Variants in MTMR2 observed in about 807,000 individuals in gnomAD.
MTMR2 encodes the protein phosphatidylinositol-3,5-bisphosphate 3-phosphatase MTMR2.
A neutral mutation model predicts 86.9 loss-of-function variants in MTMR2; 55 were observed. The observed-to-expected ratio is 0.63, with a 90% CI of 0.51 to 0.79. The LOEUF (loss-of-function observed/expected upper bound fraction) is 0.79, where lower values mean the gene tolerates loss of function less well. MTMR2 is among the 30% of genes least tolerant of loss of function. MTMR2 has a pLI of 0.00. For missense variants in MTMR2, 659 were observed against 772.3 expected, an observed-to-expected ratio of 0.85 and a Z score of 1.74; for synonymous variants, 241 against 266.8, an observed-to-expected ratio of 0.90 and a Z score of 0.94.
chr11:95,873,817 A>G (rs1393719925), intron 2 of MTMR2, among the ~76,000 whole-genome samples: 3 of 152,154 alleles, frequency 2.0e-5, no homozygotes, highest in Admixed American at 6.5e-5. Flanking sequence ...TTGGTTTCAA[A>G]GAACATCTTT....
intron 1 of MTMR2, among the ~76,000 whole-genome samples, chr11:95,897,336 G>T (rs553152846): frequency 5.3e-5 from 8 of 152,010 alleles, no homozygotes; most frequent in Non-Finnish European, 1.2e-4. Context: ...ATGCACACAT[G>T]CATGTGTGCT....
At chr11:95,850,847 C>G in intron 7 of MTMR2, 98 bp from the exon 8 acceptor site, 1 of 1,099,148 alleles carries the variant, frequency 9.1e-7, no homozygotes, top group South Asian at 1.3e-5. Flanking sequence ...CTGACCTCTA[C>G]TATCCATCTC....
intron 1 of MTMR2, among the ~76,000 whole-genome samples, chr11:95,917,128 C>T (rs1379642603): frequency 6.6e-6 from 1 of 152,126 alleles, no homozygotes; most frequent in Non-Finnish European, 1.5e-5. Context: ...TTTAAAATCA[C>T]TCCCTATCCT....
intron 8 of MTMR2, among the ~76,000 whole-genome samples, chr11:95,850,275 T>TA (rs34901009): frequency 5.5e-4 from 80 of 145,358 alleles, no homozygotes; most frequent in African/African-American, 9.9e-4. Context: ...TTCTAGGACT[T>TA]AAAAAAAAAA....
At chr11:95,883,861 T>A (rs1178252096) in intron 2 of MTMR2, among the ~76,000 whole-genome samples, 1 of 152,202 alleles carries the variant, frequency 6.6e-6, no homozygotes, top group Non-Finnish European at 1.5e-5. Context: ...CATTTTACAG[T>A]ACCTATAGCA....
intron 1 of MTMR2, among the ~76,000 whole-genome samples, chr11:95,917,177 G>T (rs1056686987): frequency 1.3e-5 from 2 of 152,132 alleles, no homozygotes; most frequent in East Asian, 3.8e-4. Flanking sequence ...ATTATCTACC[G>T]ATTTAACTAA....
In MTMR2 at chr11:95,902,636, A is replaced by C. The variant is rs1866114393; in HGVS notation, c.81-14375T>G. Among the ~76,000 whole-genome samples, 4 of 152,174 alleles carry C rather than the reference A, an allele frequency of 2.6e-5. No individual in the cohort carries two copies. In the South Asian group the frequency reaches 8.3e-4, roughly 32 times the overall value. On this transcript the variant is annotated intron_variant, in intron 1 of 14. Transcript: ENST00000346299. ...CTGTTTCTGAATTTTAAGGTTAGCCATCACCAAAATGACCTTTATCTCTAG... is the reference window on the plus strand; with the variant it reads ...CTGTTTCTGAATTTTAAGGTTAGCCCTCACCAAAATGACCTTTATCTCTAG...
At chr11:95,877,600 C>T (rs1041109870) in intron 2 of MTMR2, among the ~76,000 whole-genome samples, 1 of 151,922 alleles carries the variant, frequency 6.6e-6, no homozygotes, top group Non-Finnish European at 1.5e-5. Context: ...AGGGTTGTTG[C>T]AGATATAATT....
intron 1 of MTMR2, among the ~76,000 whole-genome samples, chr11:95,921,903 C>T (rs897699364): frequency 1.3e-5 from 2 of 152,048 alleles, no homozygotes; most frequent in Non-Finnish European, 2.9e-5. Flanking sequence ...CATATATAAT[C>T]TTTATACTTG....
At chr11:95,890,668 G>A (rs1020329005) in intron 1 of MTMR2, among the ~76,000 whole-genome samples, 1 of 152,162 alleles carries the variant, frequency 6.6e-6, no homozygotes, top group Non-Finnish European at 1.5e-5. Context: ...TGAGGACAAG[G>A]AGCCAAAGAA....
chr11:95,856,824 T>G (rs1864233717), intron 7 of MTMR2, among the ~76,000 whole-genome samples: 1 of 152,190 alleles, frequency 6.6e-6, no homozygotes, highest in Non-Finnish European at 1.5e-5. Context: ...TTTTTATAAT[T>G]TCTAAAGACA....
intron 2 of MTMR2, chr11:95,882,237 C>T (rs1358510914): frequency 3.3e-5 from 5 of 151,908 alleles, no homozygotes; most frequent in African/African-American, 4.8e-5. Flanking sequence ...GTGGCTCACG[C>T]CTGTAATCCC....
At chr11:95,867,383 AGAG>A (rs1291022670) in intron 2 of MTMR2, among the ~76,000 whole-genome samples, 1 of 152,206 alleles carries the variant, frequency 6.6e-6, no homozygotes, top group Non-Finnish European at 1.5e-5. Flanking sequence ...TATGTACAGA[AGAG>A]AAGAGGGTAG....
intron 7 of MTMR2, among the ~76,000 whole-genome samples, chr11:95,854,061 T>C (rs1864121388): frequency 6.6e-6 from 1 of 152,072 alleles, no homozygotes; most frequent in Non-Finnish European, 1.5e-5. Flanking sequence ...CAGGGTGGGG[T>C]AGGAATGAGA....
At chr11:95,909,221 G>A (rs915776665) in intron 1 of MTMR2, among the ~76,000 whole-genome samples, 2 of 151,430 alleles carry the variant, frequency 1.3e-5, no homozygotes, top group Admixed American at 1.3e-4. Flanking sequence ...CATTATTGGT[G>A]GGGGGGGAAA....
intron 11 of MTMR2, among the ~76,000 whole-genome samples, chr11:95,844,254 T>C (rs369967530): frequency 5.3e-5 from 8 of 151,010 alleles, no homozygotes; most frequent in African/African-American, 1.9e-4. Context: ...AACGGCAAAA[T>C]GTGAGCCATC....
At chr11:95,856,393 T>C (rs1864215588) in intron 7 of MTMR2, among the ~76,000 whole-genome samples, 1 of 152,030 alleles carries the variant, frequency 6.6e-6, no homozygotes, top group Non-Finnish European at 1.5e-5. Flanking sequence ...CATTAGTCCT[T>C]AATTTTAAGA....
chr11:95,877,680 A>T (rs959222281), intron 2 of MTMR2, among the ~76,000 whole-genome samples: 1 of 152,130 alleles, frequency 6.6e-6, no homozygotes, highest in Admixed American at 6.5e-5. Context: ...TCACAAGAAG[A>T]CAGCAATGTG....
intron 2 of MTMR2, among the ~76,000 whole-genome samples, chr11:95,872,864 G>C (rs529096497): frequency 1.9e-4 from 29 of 152,198 alleles, no homozygotes; most frequent in Non-Finnish European, 4.1e-4. Flanking sequence ...TGCATCCATT[G>C]AGATAATCAT....
Sources: allele counts gnomAD v4.1 joint callset (sites outside exome capture counted in the v4.1 genomes callset), GRCh38; gene constraint gnomAD v4.1.1; transcripts MANE v1.5; gene names NCBI Gene and HGNC (gene_info 2026-07-23, HGNC 2026-07-21).